Variants in EIF2AK3 observed in about 807,000 individuals in gnomAD.
The protein encoded by EIF2AK3 is eukaryotic translation initiation factor 2-alpha kinase 3.
Under a neutral mutation model 113.5 loss-of-function variants are expected in EIF2AK3, and 50 were observed. The observed-to-expected ratio is 0.44, with a 90% CI of 0.35 to 0.56. EIF2AK3 has a LOEUF of 0.56. Ranked by LOEUF, EIF2AK3 falls within the 20% of genes least tolerant of loss-of-function variation. EIF2AK3 has a pLI of 0.00. For missense variants in EIF2AK3, 1,185 were observed against 1,378.0 expected (o/e 0.86, Z 2.22); for synonymous variants, 448 against 495.4 (o/e 0.90, Z 1.27).
intron 2 of EIF2AK3, 155 bp from the exon 3 acceptor site, chr2:88,595,818 T>C: frequency 1.3e-6 from 1 of 793,536 alleles, no homozygotes. Context: ...TCCTTCTGAG[T>C]AGCACATGAA....
chr2:88,600,646 A>G (rs1380120849), intron 2 of EIF2AK3, among the ~76,000 whole-genome samples: 3 of 152,350 alleles, frequency 2.0e-5, no homozygotes, highest in East Asian at 3.9e-4. Context: ...GTTTCTTAAC[A>G]AAACCTAAGT....
At chr2:88,602,147 G>A (rs866783453) in intron 2 of EIF2AK3, among the ~76,000 whole-genome samples, 9 of 152,132 alleles carry the variant, frequency 5.9e-5, no homozygotes, top group Admixed American at 4.6e-4. Context: ...CACTACTCCC[G>A]GCCTAGTTAG....
chr2:88,601,702 C>T (rs1436031325), intron 2 of EIF2AK3, among the ~76,000 whole-genome samples: 1 of 152,056 alleles, frequency 6.6e-6, no homozygotes, highest in African/African-American at 2.4e-5. Context: ...TCAGCCTGAT[C>T]CCTCCATTTA....
At chr2:88,602,329 G>T (rs898770519) in intron 2 of EIF2AK3, among the ~76,000 whole-genome samples, 3 of 152,102 alleles carry the variant, frequency 2.0e-5, no homozygotes, top group African/African-American at 7.2e-5. Context: ...CAGGAGACTT[G>T]GTGAGACCAG....
chr2:88,605,296 G>T (rs1159998794), intron 2 of EIF2AK3, among the ~76,000 whole-genome samples: 1 of 152,158 alleles, frequency 6.6e-6, no homozygotes, highest in Non-Finnish European at 1.5e-5. Flanking sequence ...CTTCAGGAGA[G>T]AACTATTATT....
At chr2:88,613,114 T>C (rs1007716739) in intron 2 of EIF2AK3, among the ~76,000 whole-genome samples, 2 of 152,194 alleles carry the variant, frequency 1.3e-5, no homozygotes, top group Non-Finnish European at 2.9e-5. Flanking sequence ...CTCACTTTAT[T>C]GATGAGAACA....
At position 88,557,499 on chromosome 2, in the gene EIF2AK3, G is replaced by A. The variant is rs1673810591; in HGVS notation, c.*237C>T. The A allele has an allele frequency of 3.6e-6, 2 of 554,504 alleles. No homozygotes were observed. Among genetic ancestry groups the A allele is most frequent in the East Asian group, 3.2e-5 (1 of 30,990 alleles). 34.3% of individuals were successfully genotyped at this position (554,504 alleles called of 1,614,324 possible). A position where few individuals can be genotyped will look rare whatever the true frequency, so the allele number is the denominator to read the frequency against. On this transcript the variant is annotated 3_prime_UTR_variant, in exon 17 of 17. Coordinates refer to ENST00000303236, the MANE Select transcript of EIF2AK3 (RefSeq NM_004836.7). ...GGCTATAAAGCTTGGCCAGCAGCCA[G>A]TTTCAAGAGACTAACAAAGAACAAA...
At chr2:88,589,786 C>T (rs192710036) in intron 6 of EIF2AK3, among the ~76,000 whole-genome samples, 6 of 151,984 alleles carry the variant, frequency 3.9e-5, no homozygotes, top group South Asian at 2.1e-4. Context: ...TGGGGTCAAG[C>T]GATCCTCCCA....
At chr2:88,566,590 T>C (rs1348309707) in intron 14 of EIF2AK3, among the ~76,000 whole-genome samples, 1 of 152,198 alleles carries the variant, frequency 6.6e-6, no homozygotes, top group Non-Finnish European at 1.5e-5. Context: ...ACGTGTGCCA[T>C]GGTGGTTTGC....
chr2:88,561,937 T>C (rs1225226493), intron 15 of EIF2AK3, among the ~76,000 whole-genome samples: 2 of 152,232 alleles, frequency 1.3e-5, no homozygotes, highest in Non-Finnish European at 2.9e-5. Flanking sequence ...AGAAACCTAA[T>C]TATGCTTAAT....
chr2:88,625,442 A>G (rs954254387), intron 1 of EIF2AK3, among the ~76,000 whole-genome samples: 23 of 151,872 alleles, frequency 1.5e-4, no homozygotes, highest in African/African-American at 5.6e-4. Flanking sequence ...TCAGGAACCA[A>G]CTCATTCTGC....
Position 88,593,207 on chromosome 2 carries a change from T to C in EIF2AK3, c.767+65A>G. 1.9e-6 allele frequency: 3 copies of C among 1,588,272 alleles called. No homozygotes were observed. The South Asian group carries it at 3.3e-5, about 18-fold the overall frequency. ...GTCAAAATCTCCACAAACAGAAATC[T>C]GATAAATTTTGGTATTAGGTGTATT... On this transcript the variant is annotated intron_variant, in intron 4 of 16. Coordinates refer to ENST00000303236, the MANE Select transcript of EIF2AK3 (RefSeq NM_004836.7).
intron 4 of EIF2AK3, among the ~76,000 whole-genome samples, chr2:88,591,619 A>C (rs1461212965): frequency 2.6e-5 from 4 of 152,192 alleles, no homozygotes; most frequent in African/African-American, 4.8e-5. Flanking sequence ...CCCTTTCCTA[A>C]GTAAGTTTCA....
intron 2 of EIF2AK3, among the ~76,000 whole-genome samples, chr2:88,601,513 A>G (rs916368026): frequency 3.3e-5 from 5 of 152,222 alleles, no homozygotes; most frequent in African/African-American, 1.2e-4. Context: ...GTATCTGTCT[A>G]TGACTGCTTT....
At chr2:88,558,083 G>T in intron 16 of EIF2AK3, 147 bp from the exon 17 acceptor site, 1 of 747,980 alleles carries the variant, frequency 1.3e-6, no homozygotes, top group Non-Finnish European at 2.3e-6. Flanking sequence ...CAACTACTCA[G>T]CTCTGCCGTC....
Position 88,588,864 on chromosome 2 carries a change from G to A in EIF2AK3, c.1203C>T (p.Val401=), listed in dbSNP as rs1303393995. The change falls in exon 7 of 17, where the codon GTC becomes GTT. Residue 401 remains valine (V), a synonymous_variant. Coordinates refer to ENST00000303236, the MANE Select transcript of EIF2AK3 (RefSeq NM_004836.7). The part of the protein sequence containing the change: ...YRGQLYLQSS[V]RISEKFPSSP... ...TTGAAGGAAACTTTTCTGAAATTCT[G>A]ACTGATGACTGCAGATACAGCTGGC... 1 of 1,613,810 alleles carries A rather than the reference G, an allele frequency of 6.2e-7. No individual in the cohort carries two copies. The highest frequency in any genetic ancestry group is 1.3e-5 in the African/African-American group (1 of 75,030).
chr2:88,586,479 G>C (rs918863630), intron 8 of EIF2AK3, among the ~76,000 whole-genome samples: 1 of 151,906 alleles, frequency 6.6e-6, no homozygotes, highest in Non-Finnish European at 1.5e-5. Context: ...AAACATCCAT[G>C]CTGTTTGGTT....
chr2:88,612,797 C>T (rs201589398), intron 2 of EIF2AK3, among the ~76,000 whole-genome samples: 1 of 152,110 alleles, frequency 6.6e-6, no homozygotes, highest in East Asian at 1.9e-4. Flanking sequence ...TACTTAATAT[C>T]AGCTAGGAAG....
chr2:88,606,292 C>A (rs2104458511), intron 2 of EIF2AK3, among the ~76,000 whole-genome samples: 1 of 146,286 alleles, frequency 6.8e-6, no homozygotes, highest in Non-Finnish European at 1.5e-5. Context: ...CATGAAGAGT[C>A]AATTTCCTAA....
Sources: allele counts gnomAD v4.1 joint callset (sites outside exome capture counted in the v4.1 genomes callset), GRCh38; gene constraint gnomAD v4.1.1; transcripts MANE v1.5; gene names NCBI Gene and HGNC (gene_info 2026-07-23, HGNC 2026-07-21).